MAGI2: variants seen among roughly 807,000 people sequenced by gnomAD.
The protein encoded by MAGI2 is membrane-associated guanylate kinase, WW and PDZ domain-containing protein 2.
A neutral mutation model predicts 133.3 loss-of-function variants in MAGI2; 35 were observed. The observed-to-expected ratio is 0.26, with a 90% CI of 0.20 to 0.35. MAGI2 has a LOEUF of 0.35. Ranked by LOEUF, MAGI2 falls within the 10% of genes least tolerant of loss-of-function variation. The pLI, the probability that MAGI2 is intolerant of heterozygous loss-of-function variation, is 1.00. For missense variants in MAGI2, 1,636 were observed against 1,863.4 expected, an observed-to-expected ratio of 0.88 and a Z score of 2.25; for synonymous variants, 729 against 710.6, an observed-to-expected ratio of 1.03 and a Z score of -0.41.
chr7:79,363,990 AT>A (rs1397624439), intron 1 of MAGI2, among the ~76,000 whole-genome samples: 3 of 152,144 alleles, frequency 2.0e-5, no homozygotes, highest in Non-Finnish European at 4.4e-5. Flanking sequence ...ATATAAAAAA[AT>A]GTTTAACATC....
chr7:78,277,067 TCAGCA>T (rs2151001156), intron 9 of MAGI2, among the ~76,000 whole-genome samples: 1 of 152,322 alleles, frequency 6.6e-6, no homozygotes, highest in East Asian at 1.9e-4. Context: ...TAGTTTCTAA[TCAGCA>T]TGAGTGAGTC....
chr7:78,556,651 AC>A (rs1375451430), intron 3 of MAGI2, among the ~76,000 whole-genome samples: 2 of 152,130 alleles, frequency 1.3e-5, no homozygotes, highest in African/African-American at 4.8e-5. Flanking sequence ...AGAACAAGCA[AC>A]CGTTTTGCTC....
At chr7:79,071,683 C>T (rs930124824) in intron 1 of MAGI2, among the ~76,000 whole-genome samples, 2 of 151,282 alleles carry the variant, frequency 1.3e-5, no homozygotes, top group Non-Finnish European at 2.9e-5. Flanking sequence ...TCTAGAGAGG[C>T]AGTCTGGCTG....
At chr7:78,111,750 G>T (rs752303410) in intron 20 of MAGI2, among the ~76,000 whole-genome samples, 10 of 152,232 alleles carry the variant, frequency 6.6e-5, no homozygotes, top group Non-Finnish European at 1.2e-4. Context: ...AAAGGGAAAA[G>T]AACTCATATT....
At chr7:78,691,427 G>A (rs1482521058) in intron 2 of MAGI2, among the ~76,000 whole-genome samples, 1 of 152,166 alleles carries the variant, frequency 6.6e-6, no homozygotes, top group Non-Finnish European at 1.5e-5. Context: ...GAATGAGGTT[G>A]AATACAGCAA....
chr7:79,143,776 C>T (rs972412533), intron 1 of MAGI2, among the ~76,000 whole-genome samples: 2 of 152,068 alleles, frequency 1.3e-5, no homozygotes, highest in African/African-American at 4.8e-5. Flanking sequence ...CATTACTTTA[C>T]AATTATATGA....
chr7:79,067,870 T>A (rs1449688062), intron 1 of MAGI2, among the ~76,000 whole-genome samples: 1 of 152,168 alleles, frequency 6.6e-6, no homozygotes, highest in Non-Finnish European at 1.5e-5. Context: ...AATCATGTGG[T>A]TTTTGTCATT....
At chr7:78,238,586 A>G (rs1346578097) in intron 10 of MAGI2, among the ~76,000 whole-genome samples, 1 of 152,046 alleles carries the variant, frequency 6.6e-6, no homozygotes, top group Non-Finnish European at 1.5e-5. Flanking sequence ...CATCATGTCC[A>G]TCAGTAAATC....
intron 2 of MAGI2, 114 bp from the exon 3 acceptor site, chr7:78,627,353 G>T: frequency 9.9e-7 from 1 of 1,006,430 alleles, no homozygotes; most frequent in Non-Finnish European, 1.3e-6. Context: ...CATCCTGCAA[G>T]TTGGCAGTTT....
chr7:78,116,097 GAA>G (rs1237992418), intron 20 of MAGI2, among the ~76,000 whole-genome samples: 1 of 152,162 alleles, frequency 6.6e-6, no homozygotes, highest in African/African-American at 2.4e-5. Flanking sequence ...CAACAAAATT[GAA>G]AGACTGAAAT....
In MAGI2 at chr7:79,324,652, ATATTATATATATATAAAAT is replaced by A. The variant is rs1342459398; in HGVS notation, c.301+128349_301+128367del. 1.5e-3 allele frequency among the ~76,000 whole-genome samples: 26 copies of A among 17,650 alleles called. 8 individuals are homozygous for A. Among genetic ancestry groups the A allele is most frequent in the East Asian group, 5.9e-3 (2 of 338 alleles). The allele number at this position is 17,650 out of a possible 152,430, so 11.6% of individuals were successfully genotyped here. A position where few individuals can be genotyped will look rare whatever the true frequency, so the allele number is the denominator to read the frequency against. On this transcript the variant is annotated intron_variant, in intron 1 of 21. Transcript: ENST00000354212. ...TATTATATATATATAAAATATATATATATTATATATATATAAAATATATATATATTATATATATATAAAA... is the reference window on the plus strand; with the variant it reads ...TATTATATATATATAAAATATATATAATATATATATTATATATATATAAAA...
chr7:78,803,982 G>T (rs1474447004), intron 2 of MAGI2, among the ~76,000 whole-genome samples: 1 of 152,152 alleles, frequency 6.6e-6, no homozygotes, highest in East Asian at 1.9e-4. Flanking sequence ...ATTACAGATT[G>T]AACTGAAATT....
intron 9 of MAGI2, among the ~76,000 whole-genome samples, chr7:78,258,441 A>G (rs1471901888): frequency 2.0e-5 from 3 of 152,098 alleles, no homozygotes; most frequent in East Asian, 3.9e-4. Flanking sequence ...CTAACATCCA[A>G]CTTAATGATT....
intron 1 of MAGI2, among the ~76,000 whole-genome samples, chr7:79,396,653 A>G (rs572076281): frequency 6.6e-6 from 1 of 152,104 alleles, no homozygotes; most frequent in Non-Finnish European, 1.5e-5. Context: ...GGGTTTGCAG[A>G]GTGTGTGCTA....
At chr7:78,989,057 T>C (rs1193402008) in intron 2 of MAGI2, among the ~76,000 whole-genome samples, 2 of 152,030 alleles carry the variant, frequency 1.3e-5, no homozygotes, top group Non-Finnish European at 2.9e-5. Flanking sequence ...CCAGAATAAG[T>C]ATGCATGGAC....
rs529467081 is a variant in MAGI2, at chr7:78,318,978, G to A, written c.1408+24800C>T. On this transcript the variant is annotated intron_variant, in intron 9 of 21. Transcript: ENST00000354212. ...GCTCCTGAAGGAAGCACTAAACATG[G>A]AAAAGAACAACCGGTACCAGCCACT... 2.0e-3 allele frequency among the ~76,000 whole-genome samples: 300 copies of A among 152,222 alleles called. 2 individuals carry two copies. The highest frequency in any genetic ancestry group is 3.0e-3 in the Non-Finnish European group (205 of 68,022).
At chr7:79,032,066 TCA>T (rs1249400706) in intron 1 of MAGI2, among the ~76,000 whole-genome samples, 1 of 152,190 alleles carries the variant, frequency 6.6e-6, no homozygotes. Flanking sequence ...GAGCTATATT[TCA>T]TTACATTAAG....
chr7:78,875,402 G>A (rs1221574588), intron 2 of MAGI2, among the ~76,000 whole-genome samples: 1 of 152,128 alleles, frequency 6.6e-6, no homozygotes, highest in Non-Finnish European at 1.5e-5. Flanking sequence ...CTCCAAATTT[G>A]CATATAAACC....
At chr7:78,527,052 A>G (rs971375520) in intron 3 of MAGI2, among the ~76,000 whole-genome samples, 15 of 151,316 alleles carry the variant, frequency 9.9e-5, no homozygotes, top group Admixed American at 2.0e-4. Context: ...AAAAAAAGAA[A>G]GAAAACTTTT....
Sources: allele counts gnomAD v4.1 joint callset (sites outside exome capture counted in the v4.1 genomes callset), GRCh38; gene constraint gnomAD v4.1.1; transcripts MANE v1.5; gene names NCBI Gene and HGNC (gene_info 2026-07-23, HGNC 2026-07-21).